NUP107: variants seen among roughly 807,000 people sequenced by gnomAD.
NUP107 encodes nucleoporin 107.
In NUP107, 101 loss-of-function variants were observed where a neutral mutation model predicts 141.0. The observed-to-expected ratio is 0.72, with a 90% CI of 0.61 to 0.84. NUP107 has a LOEUF of 0.84. NUP107 is among the 40% of genes least tolerant of loss of function. The pLI, the probability that NUP107 is intolerant of heterozygous loss-of-function variation, is 0.00. For synonymous variants in NUP107, 319 were observed against 363.9 expected (o/e 0.88, Z 1.41); for missense variants, 941 against 1,102.7 (o/e 0.85, Z 2.08).
Position 68,690,753 on chromosome 12 carries a change from A to G in NUP107, c.303+7A>G, listed in dbSNP as rs774584028. On this transcript the variant is annotated splice_region_variant and intron_variant, in intron 4 of 27. Transcript: ENST00000229179. ...CTTTGGAAATCTCTCCATGGTATGT[A>G]GAAAAATAGGGCTAAGAACTCCTTT... The G allele has an allele frequency of 2.5e-6, 4 of 1,613,750 alleles. No individual in the cohort carries two copies. The highest frequency in any genetic ancestry group is 3.4e-6 in the Non-Finnish European group (4 of 1,179,878).
In NUP107 at chr12:68,745,380, A is replaced by G. The variant is rs997157889; in HGVS notation, c.*2918A>G. 2 of 152,226 alleles carry G rather than the reference A, an allele frequency of 1.3e-5. No homozygotes were observed. The highest frequency in any genetic ancestry group is 4.8e-5 in the African/African-American group (2 of 41,450). 9.4% of individuals were successfully genotyped at this position (152,226 alleles called of 1,614,324 possible). A position where few individuals can be genotyped will look rare whatever the true frequency, so the allele number is the denominator to read the frequency against. ...TCCTTTTTTAAAAATCTCCTTTTGT[A>G]CCTGTAATATCTACAATATATAATC... On this transcript the variant is annotated 3_prime_UTR_variant, in exon 28 of 28. Transcript: ENST00000229179.
chr12:68,700,531 A>G (rs942661969), intron 6 of NUP107, among the ~76,000 whole-genome samples, 195 bp from the exon 7 acceptor site: 3 of 152,160 alleles, frequency 2.0e-5, no homozygotes, highest in Non-Finnish European at 4.4e-5. Context: ...AGATAAACAC[A>G]CCTTGTTCCA....
At chr12:68,719,141 G>GGC (rs1341304540) in intron 12 of NUP107, among the ~76,000 whole-genome samples, 200 bp from the exon 13 acceptor site, 1 of 152,160 alleles carries the variant, frequency 6.6e-6, no homozygotes, top group Non-Finnish European at 1.5e-5. Context: ...CACTTGCCTT[G>GGC]GCCTCCCAAA....
Position 68,734,740 on chromosome 12 carries a change from G to A in NUP107, c.2295G>A (p.Lys765=). 1 of 1,612,914 alleles carries A rather than the reference G, an allele frequency of 6.2e-7. No individual in the cohort carries two copies. Among genetic ancestry groups the A allele is most frequent in the Non-Finnish European group, 8.5e-7 (1 of 1,179,406 alleles). ...ATGAAACCTTTAATGAGTGGTTTAA[G>A]CATATGAATTCAGTTCCACAAAAAC... is the stretch of plus-strand genomic sequence containing the variant. The part of the protein sequence containing the change: ...EAHETFNEWF[K]HMNSVPQKPA... The change falls in exon 25 of 28, where the codon AAG becomes AAA. Residue 765 remains lysine (K), a synonymous_variant. Transcript: ENST00000229179.
At chr12:68,738,209 G>A (rs924644025) in intron 26 of NUP107, among the ~76,000 whole-genome samples, 3 of 152,152 alleles carry the variant, frequency 2.0e-5, no homozygotes, top group Non-Finnish European at 4.4e-5. Context: ...CTGGGAGGCG[G>A]AGGTTGCAGT....
chr12:68,723,885 C>A (rs932863934), intron 17 of NUP107, among the ~76,000 whole-genome samples: 6 of 151,654 alleles, frequency 4.0e-5, no homozygotes, highest in African/African-American at 1.2e-4. Context: ...TTATATTTTT[C>A]TTATTATTAT....
In NUP107 at chr12:68,703,455, TG is replaced by T. The variant is rs896783913; in HGVS notation, c.729+672del. ...TTATACATTATACTGAGAGTTTGTT[TG>T]TTTTTTTTTTTTGAAATGAAGTTTC... On this transcript the variant is annotated intron_variant, in intron 8 of 27. Transcript: ENST00000229179. Among the ~76,000 whole-genome samples, 5 of 151,954 alleles carry T rather than the reference TG, an allele frequency of 3.3e-5. No homozygotes were observed. The South Asian group carries it at 6.3e-4, about 19-fold the overall frequency.
chr12:68,686,983 G>T lies in NUP107; in HGVS notation c.-83G>T. 1 of 1,564,886 alleles carries T rather than the reference G, an allele frequency of 6.4e-7. No individual in the cohort carries two copies. Among genetic ancestry groups the T allele is most frequent in the Non-Finnish European group, 8.8e-7 (1 of 1,135,508 alleles). ...GGACAGACTGCTTCCGGGTCGAAGG[G>T]CTTGCTTCCGGAGAGCGGGAAGGCT... On this transcript the variant is annotated 5_prime_UTR_variant, in exon 1 of 28. Coordinates refer to ENST00000229179, the MANE Select transcript of NUP107 (RefSeq NM_020401.4).
At chr12:68,730,577 A>C (rs1229256012) in intron 20 of NUP107, among the ~76,000 whole-genome samples, 2 of 152,186 alleles carry the variant, frequency 1.3e-5, no homozygotes, top group Non-Finnish European at 2.9e-5. Flanking sequence ...GCAAGCCACC[A>C]TACCCAGCCA....
intron 1 of NUP107, 175 bp downstream of exon 1, chr12:68,687,248 G>A: frequency 2.3e-6 from 2 of 881,216 alleles, no homozygotes; most frequent in African/African-American, 1.7e-5. Context: ...GCCGCTTGGC[G>A]TGCGTCGGGG....
At chr12:68,732,531 A>T in intron 22 of NUP107, 106 bp from the exon 23 acceptor site, 1 of 538,968 alleles carries the variant, frequency 1.9e-6, no homozygotes, top group Non-Finnish European at 3.2e-6. Context: ...AGAGAAAATG[A>T]TGTTTACTGG....
Position 68,734,843 on chromosome 12 carries a change from A to G in NUP107, c.2388+10A>G. On this transcript the variant is annotated intron_variant, in intron 25 of 27. Coordinates refer to ENST00000229179, the MANE Select transcript of NUP107 (RefSeq NM_020401.4). ...AGAAAAGAAATATGAAGTAAGTTAA[A>G]TATGGATCTAGGATGTGCCTACTGC... 3 of 1,610,950 alleles carry G rather than the reference A, an allele frequency of 1.9e-6. No individual in the cohort carries two copies. Among genetic ancestry groups the G allele is most frequent in the South Asian group, 1.1e-5 (1 of 90,216 alleles).
At chr12:68,694,626 A>G (rs1386363855) in intron 5 of NUP107, among the ~76,000 whole-genome samples, 2 of 152,212 alleles carry the variant, frequency 1.3e-5, no homozygotes, top group African/African-American at 4.8e-5. Context: ...CAGAGGCTGG[A>G]CGCAGTGGCT....
chr12:68,699,918 T>G (rs1013918308), intron 6 of NUP107, among the ~76,000 whole-genome samples: 2 of 152,068 alleles, frequency 1.3e-5, no homozygotes, highest in Non-Finnish European at 2.9e-5. Context: ...TTTTGTTTTT[T>G]TCTCCCCAGA....
intron 26 of NUP107, among the ~76,000 whole-genome samples, chr12:68,738,130 G>C (rs1372070317): frequency 1.3e-5 from 2 of 152,134 alleles, no homozygotes. Flanking sequence ...CAGAAAACTA[G>C]CCAGGCATGG....
chr12:68,694,162 C>T (rs1322701862), intron 5 of NUP107, among the ~76,000 whole-genome samples: 1 of 152,198 alleles, frequency 6.6e-6, no homozygotes, highest in African/African-American at 2.4e-5. Context: ...CTTGTAGTAT[C>T]TGTCAAAAAC....
intron 7 of NUP107, 71 bp downstream of exon 7, chr12:68,700,924 G>T: frequency 6.4e-6 from 9 of 1,405,452 alleles, no homozygotes; most frequent in Non-Finnish European, 8.5e-6. Flanking sequence ...TAATTTAAAA[G>T]TTAGGGTAGG....
At chr12:68,706,577 G>A (rs1398832745) in intron 8 of NUP107, 10 of 682,518 alleles carry the variant, frequency 1.5e-5, no homozygotes, top group African/African-American at 5.3e-5. Context: ...ACATCAGTCG[G>A]CTCCAGGATG....
Position 68,696,193 on chromosome 12 carries a change from G to A in NUP107, c.449-626G>A, listed in dbSNP as rs946894884. Among the ~76,000 whole-genome samples the A allele has an allele frequency of 8.0e-5, 12 of 150,370 alleles. No individual in the cohort carries two copies. In the South Asian group the frequency reaches 1.7e-3, roughly 21 times the overall value. On this transcript the variant is annotated intron_variant, in intron 5 of 27. Coordinates refer to ENST00000229179, the MANE Select transcript of NUP107 (RefSeq NM_020401.4). ...ATCCTGGCTAACACAGTGAAACCTC[G>A]TCTCTACTAAAAATACAACAAGTTG... is the stretch of plus-strand genomic sequence containing the variant.
Sources: allele counts gnomAD v4.1 joint callset (sites outside exome capture counted in the v4.1 genomes callset), GRCh38; gene constraint gnomAD v4.1.1; transcripts MANE v1.5; gene names NCBI Gene and HGNC (gene_info 2026-07-23, HGNC 2026-07-21).